Variants in CR1L observed in about 807,000 individuals in gnomAD.
CR1L encodes the protein complement C3b/C4b receptor 1 like, also known as complement component receptor 1-like protein.
Under a neutral mutation model 62.3 loss-of-function variants are expected in CR1L, and 59 were observed. The observed-to-expected ratio is 0.95, with a 90% CI of 0.77 to 1.18. CR1L has a LOEUF of 1.18. Ranked by LOEUF, CR1L falls within the 50% of genes most tolerant of loss-of-function variation. CR1L has a pLI of 0.00. For synonymous variants in CR1L, 279 were observed against 248.7 expected, an observed-to-expected ratio of 1.12 and a Z score of -1.15; for missense variants, 700 against 702.8, an observed-to-expected ratio of 1.00 and a Z score of 0.04.
intron 4 of CR1L, among the ~76,000 whole-genome samples, chr1:207,691,782 T>G (rs927829899): frequency 6.6e-6 from 1 of 152,228 alleles, no homozygotes; most frequent in African/African-American, 2.4e-5. Flanking sequence ...TTAATTCCAT[T>G]TGTGTCCTCC....
chr1:207,688,627 A>T (rs1460146879), intron 4 of CR1L, among the ~76,000 whole-genome samples: 1 of 152,150 alleles, frequency 6.6e-6, no homozygotes, highest in Non-Finnish European at 1.5e-5. Context: ...ATCCTACTTG[A>T]ATTTGTATTG....
At chr1:207,716,942 C>T (rs1447224360) in intron 10 of CR1L, among the ~76,000 whole-genome samples, 2 of 152,142 alleles carry the variant, frequency 1.3e-5, no homozygotes, top group African/African-American at 2.4e-5. Context: ...TAAAAAGAGC[C>T]TTACCAATGT....
At chr1:207,660,937 C>T (rs577372665) in intron 1 of CR1L, among the ~76,000 whole-genome samples, 37 of 152,324 alleles carry the variant, frequency 2.4e-4, no homozygotes, top group African/African-American at 8.9e-4. Context: ...TGTTCAGTTT[C>T]CATGTAGTTG....
At chr1:207,709,614 A>T (rs1664321204) in intron 10 of CR1L, among the ~76,000 whole-genome samples, 1 of 152,154 alleles carries the variant, frequency 6.6e-6, no homozygotes, top group African/African-American at 2.4e-5. Flanking sequence ...AGGTAGGTGG[A>T]TCACTTGAGG....
intron 1 of CR1L, among the ~76,000 whole-genome samples, chr1:207,673,828 G>A (rs990711894): frequency 6.6e-6 from 1 of 152,146 alleles, no homozygotes; most frequent in Non-Finnish European, 1.5e-5. Flanking sequence ...TTACCCAAGA[G>A]AAATGAAATC....
intron 9 of CR1L, among the ~76,000 whole-genome samples, chr1:207,703,173 A>T (rs1043113017): frequency 2.6e-5 from 4 of 152,224 alleles, no homozygotes; most frequent in African/African-American, 9.6e-5. Context: ...AAGATCATTG[A>T]TGAAGGTGTT....
At chr1:207,674,537 T>G (rs1245128854) in intron 1 of CR1L, among the ~76,000 whole-genome samples, 1 of 152,214 alleles carries the variant, frequency 6.6e-6, no homozygotes, top group Non-Finnish European at 1.5e-5. Context: ...ACTACGCAAA[T>G]TTATATTATT....
intron 1 of CR1L, among the ~76,000 whole-genome samples, chr1:207,666,102 C>A (rs1282031843): frequency 6.6e-6 from 1 of 152,182 alleles, no homozygotes; most frequent in African/African-American, 2.4e-5. Context: ...ATCTACTCAA[C>A]CCTAATTCTA....
Position 207,721,195 on chromosome 1 carries a change from CT to C in CR1L, c.1643-2414del, listed in dbSNP as rs57399558. ...AGAAATGCAAAAATAACAAAGTACCCTTTTTTTTTATTATACTTTAAGTTTT... is the reference window on the plus strand; with the variant it reads ...AGAAATGCAAAAATAACAAAGTACCCTTTTTTTTATTATACTTTAAGTTTT... On this transcript the variant is annotated intron_variant, in intron 11 of 11. Coordinates refer to ENST00000508064, the MANE Select transcript of CR1L (RefSeq NM_175710.2). Among the ~76,000 whole-genome samples the C allele has an allele frequency of 3.5e-3, 529 of 151,044 alleles. 1 individual carries two copies. The highest frequency in any genetic ancestry group is 0.01 in the Middle Eastern group (3 of 290).
At chr1:207,671,018 TGGA>T (rs1326852980) in intron 1 of CR1L, among the ~76,000 whole-genome samples, 4 of 151,084 alleles carry the variant, frequency 2.6e-5, no homozygotes, top group African/African-American at 9.9e-5. Flanking sequence ...AAGTAGGTGG[TGGA>T]GTTTTATGAA....
At chr1:207,682,185 A>ATGAGT (rs1663810540) in intron 3 of CR1L, among the ~76,000 whole-genome samples, 2 of 152,130 alleles carry the variant, frequency 1.3e-5, no homozygotes, top group Admixed American at 6.5e-5. Context: ...AAAAAACAAA[A>ATGAGT]TGAGTCCAGG....
At chr1:207,651,548 CTT>C (rs1663224401) in intron 1 of CR1L, among the ~76,000 whole-genome samples, 1 of 152,032 alleles carries the variant, frequency 6.6e-6, no homozygotes, top group Admixed American at 6.5e-5. Context: ...TAGAAGAGGC[CTT>C]TGCATTCTGT....
intron 9 of CR1L, among the ~76,000 whole-genome samples, chr1:207,704,508 A>G (rs907641484): frequency 2.0e-5 from 3 of 152,240 alleles, no homozygotes; most frequent in African/African-American, 7.2e-5. Context: ...AATGTTATCA[A>G]ACAGCATTGC....
chr1:207,667,168 C>T (rs927202791), intron 1 of CR1L, among the ~76,000 whole-genome samples: 2 of 152,222 alleles, frequency 1.3e-5, no homozygotes, highest in South Asian at 2.1e-4. Flanking sequence ...GCTGCTTAAC[C>T]TTGATGGCGC....
At chr1:207,673,757 C>A (rs1481537856) in intron 1 of CR1L, among the ~76,000 whole-genome samples, 3 of 152,042 alleles carry the variant, frequency 2.0e-5, no homozygotes, top group Non-Finnish European at 4.4e-5. Context: ...AATAGTTCAA[C>A]CGTTTCTTAA....
intron 1 of CR1L, among the ~76,000 whole-genome samples, chr1:207,651,288 G>A (rs1017217850): frequency 1.8e-5 from 2 of 114,056 alleles, no homozygotes; most frequent in African/African-American, 7.7e-5. Context: ...TTTTCCATAG[G>A]AAGAAAGTCC....
intron 1 of CR1L, 50 bp from the exon 2 acceptor site, chr1:207,677,339 T>TAAAAAAAAAAA (rs1663710566): frequency 1.4e-6 from 1 of 712,396 alleles, no homozygotes; most frequent in Non-Finnish European, 2.0e-6. Context: ...AAAAAAAAAG[T>TAAAAAAAAAAA]ATGGTAATTT....
At chr1:207,709,448 A>G (rs1349259677) in intron 10 of CR1L, among the ~76,000 whole-genome samples, 2 of 152,102 alleles carry the variant, frequency 1.3e-5, no homozygotes, top group Non-Finnish European at 2.9e-5. Flanking sequence ...TTAATATCCA[A>G]TAGAATAAAG....
At chr1:207,669,548 C>A (rs1558014102) in intron 1 of CR1L, 5 of 1,566,946 alleles carry the variant, frequency 3.2e-6, no homozygotes, top group Non-Finnish European at 4.3e-6. Context: ...GTGCTGCTCG[C>A]GCTGCCGGTG....
Sources: allele counts gnomAD v4.1 joint callset (sites outside exome capture counted in the v4.1 genomes callset), GRCh38; gene constraint gnomAD v4.1.1; transcripts MANE v1.5; gene names NCBI Gene and HGNC (gene_info 2026-07-23, HGNC 2026-07-21).